The following SCRN1 variants were observed in gnomAD, a reference collection of about 807,000 sequenced individuals.
The protein encoded by SCRN1 is secernin-1.
In SCRN1, 19 loss-of-function variants were observed where a neutral mutation model predicts 43.3. The ratio of observed to expected loss-of-function variants is 0.44; its 90% CI spans 0.31 to 0.64. SCRN1 has a LOEUF of 0.64. SCRN1 is among the 30% of genes least tolerant of loss of function. The pLI is 0.09. For synonymous variants in SCRN1, 183 were observed against 188.9 expected (o/e 0.97, Z 0.26); for missense variants, 447 against 524.1 (o/e 0.85, Z 1.44).
intron 2 of SCRN1, among the ~76,000 whole-genome samples, chr7:29,960,893 C>T (rs544805330): frequency 6.6e-6 from 1 of 152,052 alleles, no homozygotes; most frequent in Non-Finnish European, 1.5e-5. Flanking sequence ...ACCTATTTAT[C>T]CATCCTACTC....
Position 29,965,536 on chromosome 7 carries a change from C to T in SCRN1, c.159+3373G>A, listed in dbSNP as rs151259516. ...GGGCTTCTAGTATAAACTACGTGGCCGACAATGCATATGTTGTTACAGCAA... is the reference window on the plus strand; with the variant it reads ...GGGCTTCTAGTATAAACTACGTGGCTGACAATGCATATGTTGTTACAGCAA... On this transcript the variant is annotated intron_variant, in intron 2 of 7. Coordinates refer to ENST00000242059, the MANE Select transcript of SCRN1 (RefSeq NM_014766.5). This position sits in a 1 kb window ranked among gnomAD's most constrained non-coding sequence, Gnocchi z 4.2. 2.4e-4 allele frequency among the ~76,000 whole-genome samples: 36 copies of T among 152,056 alleles called. No homozygotes were observed. The East Asian group carries it at 6.6e-3, about 28-fold the overall frequency.
At chr7:29,926,723 A>C in intron 6 of SCRN1, 91 bp from the exon 7 acceptor site, 25 of 868,840 alleles carry the variant, frequency 2.9e-5, no homozygotes, top group East Asian at 4.1e-5. Context: ...ACATTTCCCA[A>C]GCCAACTTAT....
intron 6 of SCRN1, among the ~76,000 whole-genome samples, chr7:29,927,979 C>T (rs56361774): frequency 0.023 from 3,549 of 152,086 alleles, 58 homozygotes; most frequent in East Asian, 0.068. Context: ...AAAAATTAGC[C>T]GGATGTGGTG....
At chr7:29,937,330 TC>T (rs1473816195) in intron 5 of SCRN1, among the ~76,000 whole-genome samples, 1 of 152,220 alleles carries the variant, frequency 6.6e-6, no homozygotes, top group Non-Finnish European at 1.5e-5. Flanking sequence ...TTTTCTCCCT[TC>T]CTGCCAACTA....
chr7:29,926,512 G>T lies in SCRN1; in HGVS notation c.1026C>A (p.Asp342Glu). The change falls in exon 7 of 8, where the codon GAC (aspartate) becomes GAA (glutamate). Residue 342 changes from aspartate (D) to glutamate (E), a missense_variant. Transcript: ENST00000242059. ...GGGCTTTGTACAGCTCATGCCGGCG[G>T]TCTGGTTTCTCCTGGAACCGAGGCT... is the stretch of plus-strand genomic sequence containing the variant. ...KKEPRFQEKP[D>E]RRHELYKAHE... 1 of 1,614,154 alleles carries T rather than the reference G, an allele frequency of 6.2e-7. No individual in the cohort carries two copies. Among genetic ancestry groups the T allele is most frequent in the East Asian group, 2.2e-5 (1 of 44,878 alleles).
intron 1 of SCRN1, among the ~76,000 whole-genome samples, chr7:29,974,079 T>C (rs866334579): frequency 6.6e-6 from 1 of 152,194 alleles, no homozygotes; most frequent in South Asian, 2.1e-4. Flanking sequence ...ATATTAACAG[T>C]GGGAGCCCAG....
upstream of SCRN1, chr7:29,989,803 C>G (rs1480415887): frequency 1.2e-5 from 12 of 989,262 alleles, no homozygotes; most frequent in Non-Finnish European, 1.4e-5. Context: ...CCCAGACTCC[C>G]GGCGCTGGGG....
rs1219111674 is a variant in SCRN1, at chr7:29,923,170, A to T, written c.*787T>A. The T allele has an allele frequency of 6.6e-6, 1 of 152,204 alleles. No individual in the cohort carries two copies. The highest frequency in any genetic ancestry group is 2.1e-4 in the South Asian group (1 of 4,816). The allele number at this position is 152,204 out of a possible 1,614,324, so 9.4% of individuals were successfully genotyped here. Reference sequence around the variant, plus strand: ...GATGGCTGTGCTGCTGTGTGGGGAGAGCTGCCTCCTGGGACATCCATGCAG... The same window carrying T: ...GATGGCTGTGCTGCTGTGTGGGGAGTGCTGCCTCCTGGGACATCCATGCAG... On this transcript the variant is annotated 3_prime_UTR_variant, in exon 8 of 8. Transcript: ENST00000242059.
At chr7:29,986,693 C>A (rs1028324427) in intron 1 of SCRN1, among the ~76,000 whole-genome samples, 2 of 150,716 alleles carry the variant, frequency 1.3e-5, no homozygotes, top group Non-Finnish European at 3.0e-5. Context: ...TCCTCTAATG[C>A]AAGTTAGTTT....
intron 6 of SCRN1, among the ~76,000 whole-genome samples, chr7:29,927,498 C>A (rs1412425510): frequency 1.3e-5 from 2 of 152,092 alleles, no homozygotes; most frequent in Non-Finnish European, 2.9e-5. Flanking sequence ...CTCCCCACAT[C>A]CAGAGGAAAC....
At chr7:29,976,447 C>T (rs1165067204) in intron 1 of SCRN1, among the ~76,000 whole-genome samples, 2 of 152,180 alleles carry the variant, frequency 1.3e-5, no homozygotes, top group African/African-American at 2.4e-5. Flanking sequence ...AAGTTGTTTA[C>T]AATCTGCGTA....
Position 29,939,469 on chromosome 7 carries a change from C to A in SCRN1, c.739+1213G>T, listed in dbSNP as rs565801008. 3.9e-5 allele frequency among the ~76,000 whole-genome samples: 6 copies of A among 152,276 alleles called. No individual in the cohort carries two copies. In the South Asian group the frequency reaches 8.3e-4, roughly 21 times the overall value. On this transcript the variant is annotated intron_variant, in intron 5 of 7. Coordinates refer to ENST00000242059, the MANE Select transcript of SCRN1 (RefSeq NM_014766.5). ...AGCCTCAAGTGATCCTCTGCCTCAG[C>A]CTCCCCAAAGTACTGTGATTACAAG...
chr7:29,958,148 C>G (rs1326246099), intron 2 of SCRN1, among the ~76,000 whole-genome samples: 1 of 152,154 alleles, frequency 6.6e-6, no homozygotes, highest in South Asian at 2.1e-4. Flanking sequence ...GGAACACATG[C>G]CCCTTGCTGC....
At chr7:29,959,043 C>T (rs1028203744) in intron 2 of SCRN1, among the ~76,000 whole-genome samples, 1 of 152,160 alleles carries the variant, frequency 6.6e-6, no homozygotes, top group Non-Finnish European at 1.5e-5. Context: ...TGTGAGATTA[C>T]GTCGAAAATG....
intron 6 of SCRN1, among the ~76,000 whole-genome samples, chr7:29,934,109 G>T (rs1057348488): frequency 6.6e-5 from 10 of 152,182 alleles, no homozygotes; most frequent in Non-Finnish European, 1.3e-4. Flanking sequence ...CTACAGTCAT[G>T]GTAGGAAATG....
At chr7:29,926,846 C>G (rs1264093808) in intron 6 of SCRN1, among the ~76,000 whole-genome samples, 1 of 152,106 alleles carries the variant, frequency 6.6e-6, no homozygotes, top group Non-Finnish European at 1.5e-5. Context: ...CTGCAAATTC[C>G]TCTACTTACA....
At chr7:29,955,156 T>C (rs1330103928) in intron 3 of SCRN1, 23 bp downstream of exon 3, 1 of 1,593,790 alleles carries the variant, frequency 6.3e-7, no homozygotes, top group Non-Finnish European at 8.6e-7. Flanking sequence ...AGGAAGTTGT[T>C]TCAAAGAATC....
At chr7:29,987,300 G>A (rs1320486614) in intron 1 of SCRN1, among the ~76,000 whole-genome samples, 1 of 152,156 alleles carries the variant, frequency 6.6e-6, no homozygotes, top group Non-Finnish European at 1.5e-5. Flanking sequence ...ACTCAGAAAA[G>A]TCAAATGCAA....
intron 6 of SCRN1, among the ~76,000 whole-genome samples, chr7:29,928,855 TA>T (rs1787064976): frequency 6.6e-6 from 1 of 152,244 alleles, no homozygotes; most frequent in Non-Finnish European, 1.5e-5. Flanking sequence ...TTGCAAAACC[TA>T]AAACTGTTTA....
Sources: gnomAD v4.1 joint callset for allele counts (sites outside exome capture counted in the v4.1 genomes callset) on GRCh38, gnomAD v4.1.1 for gene constraint, Gnocchi (gnomAD v3.1) non-coding constraint, MANE v1.5 for transcripts, NCBI Gene and HGNC (gene_info 2026-07-23, HGNC 2026-07-21) for gene names.